The following PPM1L variants were observed in gnomAD, a reference collection of about 807,000 sequenced individuals.
The protein encoded by PPM1L is protein phosphatase, Mg2+/Mn2+ dependent 1L, also known as protein phosphatase 1L.
In PPM1L, 13 loss-of-function variants were observed where a neutral mutation model predicts 31.4. That is an observed-to-expected ratio of 0.41 (90% CI 0.27 to 0.66). The LOEUF is 0.66. Ranked by LOEUF, PPM1L falls within the 30% of genes least tolerant of loss-of-function variation. The pLI is 0.29. For synonymous variants in PPM1L, 184 were observed against 175.4 expected (o/e 1.05, Z -0.39); for missense variants, 326 against 453.7 (o/e 0.72, Z 2.56).
intron 1 of PPM1L, among the ~76,000 whole-genome samples, chr3:160,954,818 T>G (rs1715688890): frequency 6.6e-6 from 1 of 151,468 alleles, no homozygotes; most frequent in African/African-American, 2.4e-5. Context: ...GCTTTTGCCC[T>G]TAGGGTCTTC....
At chr3:161,062,845 G>A (rs896687778) in intron 2 of PPM1L, among the ~76,000 whole-genome samples, 2 of 152,106 alleles carry the variant, frequency 1.3e-5, no homozygotes, top group African/African-American at 4.8e-5. Flanking sequence ...GCCTTTCCTT[G>A]GATCCCCTGG....
chr3:160,882,286 A>G (rs905106777), intron 1 of PPM1L: 1 of 152,214 alleles, frequency 6.6e-6, no homozygotes, highest in Non-Finnish European at 1.5e-5. Context: ...TGGATTATCT[A>G]GAACCTTTCC....
chr3:160,890,781 A>G lies in PPM1L; in HGVS notation c.400-70955A>G, dbSNP rs1488550321. Among the ~76,000 whole-genome samples, 4 of 152,220 alleles carry G rather than the reference A, an allele frequency of 2.6e-5. No individual in the cohort carries two copies. In the South Asian group the frequency reaches 6.2e-4, roughly 24 times the overall value. ...ATGGTACTGTTACCAAAACAGACATATAGACCTATGGTACAGAGGAGACCT... is the reference window on the plus strand; with the variant it reads ...ATGGTACTGTTACCAAAACAGACATGTAGACCTATGGTACAGAGGAGACCT... On this transcript the variant is annotated intron_variant, in intron 1 of 3. Coordinates refer to ENST00000498165, the MANE Select transcript of PPM1L (RefSeq NM_139245.4).
At chr3:160,907,253 G>C (rs562918722) in intron 1 of PPM1L, among the ~76,000 whole-genome samples, 10 of 152,190 alleles carry the variant, frequency 6.6e-5, no homozygotes, top group African/African-American at 2.4e-4. Context: ...ACAGTAGCAG[G>C]GCTTTGTAAA....
chr3:161,018,048 A>T (rs1226750071), intron 2 of PPM1L, among the ~76,000 whole-genome samples: 1 of 152,220 alleles, frequency 6.6e-6, no homozygotes, highest in African/African-American at 2.4e-5. Flanking sequence ...GACTCCTTAA[A>T]AAAAAAGAAT....
chr3:160,979,354 G>A (rs993657412), intron 2 of PPM1L, among the ~76,000 whole-genome samples: 2 of 151,870 alleles, frequency 1.3e-5, no homozygotes, highest in Admixed American at 6.6e-5. Context: ...CATCCCCATG[G>A]TGCACTCACA....
intron 1 of PPM1L, among the ~76,000 whole-genome samples, chr3:160,903,195 T>TGTGTGTGTGTG (rs1347225743): frequency 5.3e-5 from 2 of 37,912 alleles, no homozygotes; most frequent in Non-Finnish European, 1.2e-4. Context: ...GTGTGTGTGG[T>TGTGTGTGTGTG]ATGTGTGTAT....
intron 1 of PPM1L, among the ~76,000 whole-genome samples, chr3:160,903,164 A>AGTGTGTGTGTGT (rs60731351): frequency 0.016 from 1,663 of 106,536 alleles, 27 homozygotes; most frequent in African/African-American, 0.019. Context: ...TAGAAGCAAT[A>AGTGTGTGTGTGT]GTGTGTGTGT....
chr3:160,865,647 C>T (rs187421493), intron 1 of PPM1L, among the ~76,000 whole-genome samples: 2 of 152,142 alleles, frequency 1.3e-5, no homozygotes, highest in African/African-American at 2.4e-5. Flanking sequence ...TGGTGGCGTG[C>T]GCCTGTAGTC....
At chr3:160,958,140 G>C (rs937120625) in intron 1 of PPM1L, among the ~76,000 whole-genome samples, 3 of 152,142 alleles carry the variant, frequency 2.0e-5, no homozygotes, top group Non-Finnish European at 4.4e-5. Context: ...TTCTTTTGCT[G>C]TGCAGAAGCT....
intron 2 of PPM1L, among the ~76,000 whole-genome samples, chr3:161,049,969 C>T (rs540500464): frequency 2.6e-5 from 4 of 152,272 alleles, no homozygotes; most frequent in South Asian, 2.1e-4. Context: ...TTCCTGCTGC[C>T]GTCTGCCACT....
intron 1 of PPM1L, among the ~76,000 whole-genome samples, chr3:160,960,580 G>A (rs1183951315): frequency 2.6e-5 from 4 of 151,052 alleles, no homozygotes; most frequent in African/African-American, 9.7e-5. Flanking sequence ...GTGTGTGTGT[G>A]TGTGTGTGTG....
At chr3:160,771,952 G>A (rs977639555) in intron 1 of PPM1L, among the ~76,000 whole-genome samples, 1 of 151,900 alleles carries the variant, frequency 6.6e-6, no homozygotes, top group African/African-American at 2.4e-5. Context: ...TGGGGATTCT[G>A]ACCTTTTCCC....
At chr3:161,042,566 G>A (rs911386485) in intron 2 of PPM1L, among the ~76,000 whole-genome samples, 1 of 152,256 alleles carries the variant, frequency 6.6e-6, no homozygotes, top group Admixed American at 6.5e-5. Flanking sequence ...TGGCAGTTTT[G>A]TGCTGTCTAT....
chr3:161,012,446 C>T (rs955504610), intron 2 of PPM1L, among the ~76,000 whole-genome samples: 3 of 152,118 alleles, frequency 2.0e-5, no homozygotes, highest in Admixed American at 6.5e-5. Flanking sequence ...ATTTTTGCAT[C>T]AATGTTAATC....
At chr3:160,799,061 T>C (rs1436113523) in intron 1 of PPM1L, among the ~76,000 whole-genome samples, 1 of 152,190 alleles carries the variant, frequency 6.6e-6, no homozygotes, top group East Asian at 1.9e-4. Context: ...GATCAAACTT[T>C]AGTAGATGAG....
At chr3:160,818,913 C>G (rs1713076307) in intron 1 of PPM1L, among the ~76,000 whole-genome samples, 1 of 151,630 alleles carries the variant, frequency 6.6e-6, no homozygotes, top group Non-Finnish European at 1.5e-5. Context: ...TATTTTTTTA[C>G]TTGTGCATGG....
chr3:160,756,259 G>A lies in PPM1L; in HGVS notation c.-50G>A. 1.0e-5 allele frequency: 16 copies of A among 1,563,110 alleles called. No individual in the cohort carries two copies. Among genetic ancestry groups the A allele is most frequent in the Non-Finnish European group, 1.3e-5 (15 of 1,151,464 alleles). On this transcript the variant is annotated 5_prime_UTR_variant, in exon 1 of 4. Transcript: ENST00000498165. This position sits in a 1 kb window ranked among gnomAD's most constrained non-coding sequence, Gnocchi z 6.2. ...CCCGCAGTGCTCCCGGACCCGGCGA[G>A]CCTTCGGGGCGCGCGTCGCTGGTGG...
At chr3:160,780,055 C>T (rs1457357479) in intron 1 of PPM1L, among the ~76,000 whole-genome samples, 2 of 151,024 alleles carry the variant, frequency 1.3e-5, no homozygotes, top group African/African-American at 4.9e-5. Context: ...GGGTCTCATT[C>T]CTCCATTGCC....
Sources: gnomAD v4.1 joint callset for allele counts (sites outside exome capture counted in the v4.1 genomes callset) on GRCh38, gnomAD v4.1.1 for gene constraint, Gnocchi (gnomAD v3.1) non-coding constraint, MANE v1.5 for transcripts, NCBI Gene and HGNC (gene_info 2026-07-23, HGNC 2026-07-21) for gene names.